The following EML6 variants were observed in gnomAD, a reference collection of about 807,000 sequenced individuals.
EML6 encodes echinoderm microtubule-associated protein-like 6.
A neutral mutation model predicts 240.1 loss-of-function variants in EML6; 154 were observed. The observed-to-expected ratio is 0.64, with a 90% CI of 0.56 to 0.73. EML6 has a LOEUF of 0.73. Ranked by LOEUF, EML6 falls within the 30% of genes least tolerant of loss-of-function variation. The probability of loss-of-function intolerance (pLI) is 0.00; values close to 1 mark genes in which losing one functional copy is unlikely to be tolerated. For missense variants in EML6, 2,964 were observed against 2,474.6 expected (o/e 1.20, Z -4.20); for synonymous variants, 1,148 against 899.0 (o/e 1.28, Z -4.95).
intron 11 of EML6, among the ~76,000 whole-genome samples, chr2:54,859,227 G>A (rs900002501): frequency 1.3e-5 from 2 of 152,184 alleles, no homozygotes; most frequent in African/African-American, 4.8e-5. Flanking sequence ...ATAAGAATGT[G>A]TAAGATGTTC....
chr2:54,909,024 TGA>T (rs1038849678), intron 24 of EML6, among the ~76,000 whole-genome samples: 5 of 152,262 alleles, frequency 3.3e-5, no homozygotes, highest in African/African-American at 1.2e-4. Context: ...ATTACTTCAC[TGA>T]GAGATTTTTC....
chr2:54,868,734 T>A (rs1671099233), intron 14 of EML6: 2 of 154,506 alleles, frequency 1.3e-5, no homozygotes, highest in African/African-American at 2.4e-5. Flanking sequence ...CATGCATACT[T>A]GTATTTTGAA....
At chr2:54,891,263 T>TA in intron 18 of EML6, 109 bp downstream of exon 18, 3 of 545,734 alleles carry the variant, frequency 5.5e-6, no homozygotes, top group Non-Finnish European at 9.7e-6. Flanking sequence ...CAATCTAAAA[T>TA]AAAAATGTGC....
chr2:54,779,546 CAAAA>C (rs57641161), intron 2 of EML6, among the ~76,000 whole-genome samples: 3 of 96,712 alleles, frequency 3.1e-5, no homozygotes, highest in Admixed American at 1.1e-4. Flanking sequence ...GACTCTGTCT[CAAAA>C]AAAAAAAAAA....
chr2:54,792,934 G>A (rs952170340), intron 2 of EML6, among the ~76,000 whole-genome samples: 29 of 152,170 alleles, frequency 1.9e-4, no homozygotes, highest in Non-Finnish European at 3.7e-4. Context: ...GATTTTTAAA[G>A]TTATAGCATC....
chr2:54,871,769 C>G (rs548789814), intron 16 of EML6, among the ~76,000 whole-genome samples, 164 bp downstream of exon 16: 5 of 152,230 alleles, frequency 3.3e-5, no homozygotes, highest in African/African-American at 1.2e-4. Context: ...GCCAGCTACC[C>G]GCTCTTATAC....
intron 26 of EML6, among the ~76,000 whole-genome samples, chr2:54,928,070 G>T (rs889809967): frequency 6.6e-6 from 1 of 152,148 alleles, no homozygotes; most frequent in Non-Finnish European, 1.5e-5. Context: ...CAGAAAATAG[G>T]TTCTGTAGTC....
intron 5 of EML6, among the ~76,000 whole-genome samples, chr2:54,821,385 G>A (rs538563509): frequency 6.6e-6 from 1 of 152,138 alleles, no homozygotes; most frequent in Non-Finnish European, 1.5e-5. Flanking sequence ...GCAGAAGAAT[G>A]TAAAACAATA....
chr2:54,768,778 T>C (rs1188416739), intron 2 of EML6, among the ~76,000 whole-genome samples: 1 of 152,192 alleles, frequency 6.6e-6, no homozygotes, highest in East Asian at 1.9e-4. Flanking sequence ...TCTAAAACTT[T>C]TCTGTTTAAT....
intron 7 of EML6, 77 bp from the exon 8 acceptor site, chr2:54,843,970 G>C (rs1209251332): frequency 5.3e-6 from 4 of 752,488 alleles, no homozygotes; most frequent in Non-Finnish European, 8.7e-6. Flanking sequence ...GGTTTTGTGT[G>C]TGTGTGTGTG....
chr2:54,969,651 A>G (rs1676904949), intron 41 of EML6, among the ~76,000 whole-genome samples: 1 of 152,252 alleles, frequency 6.6e-6, no homozygotes, highest in African/African-American at 2.4e-5. Flanking sequence ...ATAAAAAAGA[A>G]GTGGCCTTAA....
rs796515025 is a variant in EML6 at position 54,882,873 on chromosome 2, A to AAAAAAAAAAAAAAAAAAAAAAAAAAG, written c.2438+3234_2438+3235insAAAAAAAAAAAAAAAAAAAAAAAAGA. The stretch of plus-strand genomic sequence containing the variant: ...ACTCCGTCTCAAAAAAAAAAAAAAA[A>AAAAAAAAAAAAAAAAAAAAAAAAAAG]AGAAAGCTTAGGGACACACTAAGCT... On this transcript the variant is annotated intron_variant, in intron 17 of 41. Transcript: ENST00000356458. The AAAAAAAAAAAAAAAAAAAAAAAAAAG allele has an allele frequency of 1.1e-3, 129 of 112,372 alleles. 12 individuals are homozygous for AAAAAAAAAAAAAAAAAAAAAAAAAAG. Among genetic ancestry groups the AAAAAAAAAAAAAAAAAAAAAAAAAAG allele is most frequent in the Non-Finnish European group, 1.6e-3 (87 of 52,974 alleles). The allele number at this position is 112,372 out of a possible 1,614,324, so 7.0% of individuals were successfully genotyped here.
intron 2 of EML6, among the ~76,000 whole-genome samples, chr2:54,800,582 T>G (rs1041641931): frequency 1.3e-5 from 2 of 152,146 alleles, no homozygotes; most frequent in Admixed American, 1.3e-4. Context: ...CTCAAAGATA[T>G]AACGGCACCC....
At chr2:54,968,392 G>T in intron 40 of EML6, 111 bp downstream of exon 40, 5 of 1,053,756 alleles carry the variant, frequency 4.7e-6, no homozygotes, top group Non-Finnish European at 7.0e-6. Flanking sequence ...CCCTGTCCCG[G>T]TACAGTGGAA....
chr2:54,902,227 G>A (rs533221943), intron 22 of EML6, among the ~76,000 whole-genome samples: 5 of 151,992 alleles, frequency 3.3e-5, no homozygotes, highest in Non-Finnish European at 5.9e-5. Context: ...TCTTTTCTTC[G>A]AAGCAAAGAT....
Position 54,774,756 on chromosome 2 carries a change from C to G in EML6, c.198-38476C>G, listed in dbSNP as rs923202429. 6.6e-6 allele frequency among the ~76,000 whole-genome samples: 1 copy of G among 152,162 alleles called. No homozygotes were observed. The highest frequency in any genetic ancestry group is 2.4e-5 in the African/African-American group (1 of 41,434). On this transcript the variant is annotated intron_variant, in intron 2 of 41. Coordinates refer to ENST00000356458, the MANE Select transcript of EML6 (RefSeq NM_001039753.4). This position sits in a 1 kb window ranked among gnomAD's most constrained non-coding sequence, Gnocchi z 4.1. ...GAGTTGGCATCCCTAGTCTAATGAT[C>G]AAATTTAGAAAATAGTGTATTGCAA...
chr2:54,952,739 C>G (rs1431567298), intron 31 of EML6, 47 bp downstream of exon 31: 1 of 1,286,434 alleles, frequency 7.8e-7, no homozygotes. Flanking sequence ...TGCAGGGACG[C>G]TGACCTGTCA....
intron 10 of EML6, 68 bp downstream of exon 10, chr2:54,850,286 G>C (rs1670003562): frequency 3.6e-6 from 5 of 1,385,252 alleles, no homozygotes; most frequent in Non-Finnish European, 4.9e-6. Flanking sequence ...GGAAATACAG[G>C]ACAAGTGTCA....
At chr2:54,753,326 C>G (rs1289454385) in intron 2 of EML6, among the ~76,000 whole-genome samples, 2 of 152,044 alleles carry the variant, frequency 1.3e-5, no homozygotes, top group Non-Finnish European at 2.9e-5. Context: ...TGTCCTGATC[C>G]CTGGAGCCTG....
Sources: gnomAD v4.1 joint callset for allele counts (sites outside exome capture counted in the v4.1 genomes callset) on GRCh38, gnomAD v4.1.1 for gene constraint, Gnocchi (gnomAD v3.1) non-coding constraint, MANE v1.5 for transcripts, NCBI Gene and HGNC (gene_info 2026-07-23, HGNC 2026-07-21) for gene names.